GNAI2: variants seen among roughly 807,000 people sequenced by gnomAD.
GNAI2 encodes the protein G protein subunit alpha i2.
In GNAI2, 4 loss-of-function variants were observed where a neutral mutation model predicts 36.8. The ratio of observed to expected loss-of-function variants is 0.11; its 90% CI spans 0.05 to 0.25. The LOEUF (loss-of-function observed/expected upper bound fraction) is 0.25, where lower values mean the gene tolerates loss of function less well. Ranked by LOEUF, GNAI2 falls within the 10% of genes least tolerant of loss-of-function variation. The pLI is 1.00. For missense variants in GNAI2, 230 were observed against 481.3 expected, an observed-to-expected ratio of 0.48 and a Z score of 4.89; for synonymous variants, 194 against 194.1, an observed-to-expected ratio of 1.00 and a Z score of 0.01.
upstream of GNAI2, chr3:50,230,738 G>A (rs1259010280): frequency 1.1e-6 from 1 of 893,242 alleles, no homozygotes; most frequent in Non-Finnish European, 1.3e-6. Context: ...CCTCAACTCT[G>A]CTGATGTCAT....
Position 50,253,540 on chromosome 3 carries a change from C to T in GNAI2, c.464+356C>T, listed in dbSNP as rs1394161950. ...CAGGCGGGTCGTGAGATCAGGAGATCGAGACCATCCTGGCTAACACGGTGA... is the reference window on the plus strand; with the variant it reads ...CAGGCGGGTCGTGAGATCAGGAGATTGAGACCATCCTGGCTAACACGGTGA... On this transcript the variant is annotated intron_variant, in intron 4 of 8. Coordinates refer to ENST00000313601, the MANE Select transcript of GNAI2 (RefSeq NM_002070.4). This position sits in a 1 kb window ranked among gnomAD's most constrained non-coding sequence, Gnocchi z 4.2. Among the ~76,000 whole-genome samples, 2 of 151,962 alleles carry T rather than the reference C, an allele frequency of 1.3e-5. No homozygotes were observed. Among genetic ancestry groups the T allele is most frequent in the Non-Finnish European group, 2.9e-5 (2 of 67,988 alleles).
At chr3:50,232,917 G>A (rs1428617105), upstream of GNAI2, among the ~76,000 whole-genome samples, 2 of 151,880 alleles carry the variant, frequency 1.3e-5, no homozygotes, top group African/African-American at 4.8e-5. Flanking sequence ...GGAGAGCCTG[G>A]GAACAGGGGC....
chr3:50,227,380 G>C (rs1575431131), upstream of GNAI2: 2 of 405,398 alleles, frequency 4.9e-6, no homozygotes, highest in Non-Finnish European at 4.4e-6. This position sits in a 1 kb window ranked among gnomAD's most constrained non-coding sequence, Gnocchi z 5.9. Context: ...CCCGGAGGCA[G>C]AGCGAGACAG....
At chr3:50,239,371 T>C (rs1700252984) in intron 1 of GNAI2, among the ~76,000 whole-genome samples, 1 of 152,194 alleles carries the variant, frequency 6.6e-6, no homozygotes, top group Admixed American at 6.5e-5. Context: ...CCAGGATCCT[T>C]CCTGGACATC....
rs72932918 is a variant in GNAI2, at chr3:50,241,847, G to A, written c.118+5394G>A. On this transcript the variant is annotated intron_variant, in intron 1 of 8. Transcript: ENST00000313601. This position sits in a 1 kb window ranked among gnomAD's most constrained non-coding sequence, Gnocchi z 5.0. ...GCAGCTTGTCAGCGGTTGGCCCTGG[G>A]TGGCCTGAGAGGTAGGGTCACTGAG... 0.02 allele frequency among the ~76,000 whole-genome samples: 2,985 copies of A among 152,284 alleles called. 99 individuals are homozygous for A. The highest frequency in any genetic ancestry group is 0.069 in the African/African-American group (2,845 of 41,526).
At chr3:50,232,008 A>G (rs1327002119), upstream of GNAI2, among the ~76,000 whole-genome samples, 1 of 150,624 alleles carries the variant, frequency 6.6e-6, no homozygotes, top group East Asian at 2.0e-4. Context: ...ACCAGCCTGG[A>G]CAACATGGTG....
intron 1 of GNAI2, chr3:50,251,575 G>A (rs959907324): frequency 8.2e-7 from 1 of 1,212,202 alleles, no homozygotes; most frequent in African/African-American, 1.6e-5. Context: ...CGGGGCATTG[G>A]GCCATGTCCA....
rs781962379 is a variant in GNAI2, at chr3:50,257,587, C to T, written c.965C>T (p.Thr322Met). 6.8e-6 allele frequency: 11 copies of T among 1,609,532 alleles called. No individual in the cohort carries two copies. The Admixed American group carries it at 1.7e-4, about 25-fold the overall frequency. ...CGCAAAGACACCAAGGAGATCTACACGCACTTCACGTGCGCCACCGACACC... is the reference window on the plus strand; with the variant it reads ...CGCAAAGACACCAAGGAGATCTACATGCACTTCACGTGCGCCACCGACACC... Reference protein sequence around the residue: ...NKRKDTKEIYTHFTCATDTKN... With the variant: ...NKRKDTKEIYMHFTCATDTKN... Residue 322 changes from threonine to methionine, a missense_variant, in exon 8 of 9, where the codon ACG (threonine) becomes ATG (methionine). Thr to Met is a moderately conservative substitution (Grantham distance 81, BLOSUM62 -1). Around this residue, in one of 4 missense-constraint regions of GNAI2, gnomAD observed 51 missense variants for 56.7 expected, o/e 0.90. Coordinates refer to ENST00000313601, the MANE Select transcript of GNAI2 (RefSeq NM_002070.4).
intron 1 of GNAI2, among the ~76,000 whole-genome samples, chr3:50,247,603 T>TCTCTCATCGGTTCCCTC (rs1301616123): frequency 2.6e-5 from 4 of 152,196 alleles, no homozygotes; most frequent in Non-Finnish European, 5.9e-5. Context: ...CTGTCTCCCT[T>TCTCTCATCGGTTCCCTC]CTCTCATCGG....
At chr3:50,243,580 A>T (rs1193010283) in intron 1 of GNAI2, among the ~76,000 whole-genome samples, 1 of 152,242 alleles carries the variant, frequency 6.6e-6, no homozygotes, top group African/African-American at 2.4e-5. Flanking sequence ...GTTTCCCCTC[A>T]GGTGATAACC....
chr3:50,248,410 G>A (rs1700471246), intron 1 of GNAI2, among the ~76,000 whole-genome samples: 1 of 152,150 alleles, frequency 6.6e-6, no homozygotes, highest in Non-Finnish European at 1.5e-5. Context: ...TGGGGAGAGT[G>A]AAGCTACTAC....
upstream of GNAI2, chr3:50,227,346 AGGTC>A (rs765275729): frequency 4.8e-6 from 2 of 412,414 alleles, no homozygotes; most frequent in Non-Finnish European, 8.5e-6. This position sits in a 1 kb window ranked among gnomAD's most constrained non-coding sequence, Gnocchi z 5.9. Context: ...AAGGAGTGGC[AGGTC>A]GGCGGAGGCG....
intron 1 of GNAI2, among the ~76,000 whole-genome samples, chr3:50,237,229 A>T (rs1575438862): frequency 6.6e-6 from 1 of 152,208 alleles, no homozygotes; most frequent in Non-Finnish European, 1.5e-5. Context: ...AGGCTGCCTT[A>T]TGCAGAACCC....
At chr3:50,234,261 C>T (rs587713161), upstream of GNAI2, among the ~76,000 whole-genome samples, 5 of 151,598 alleles carry the variant, frequency 3.3e-5, no homozygotes, top group South Asian at 4.2e-4. Flanking sequence ...CAAAATACAC[C>T]GTGTTAGCCA....
In GNAI2 at chr3:50,236,891, C is replaced by T. The variant is rs587656192; in HGVS notation, c.118+438C>T. Among the ~76,000 whole-genome samples the T allele has an allele frequency of 6.6e-6, 1 of 152,248 alleles. No individual in the cohort carries two copies. Among genetic ancestry groups the T allele is most frequent in the South Asian group, 2.1e-4 (1 of 4,824 alleles). ...ATTGGGCATGAGCATCCCGCGGGGC[C>T]CCTGCCAGGCCCCCCACCCACTCCC... On this transcript the variant is annotated intron_variant, in intron 1 of 8. Transcript: ENST00000313601. This position sits in a 1 kb window ranked among gnomAD's most constrained non-coding sequence, Gnocchi z 4.0.
chr3:50,233,892 CTTTTTTTT>C (rs11313623), upstream of GNAI2, among the ~76,000 whole-genome samples: 13 of 110,232 alleles, frequency 1.2e-4, no homozygotes, highest in African/African-American at 4.2e-4. Context: ...TAACAAGGTT[CTTTTTTTT>C]TTTTTTTTTT....
Position 50,236,209 on chromosome 3 carries a change from C to T in GNAI2, c.-127C>T. 1 of 1,183,220 alleles carries T rather than the reference C, an allele frequency of 8.5e-7. No individual in the cohort carries two copies. The highest frequency in any genetic ancestry group is 1.0e-6 in the Non-Finnish European group (1 of 957,448). The allele number at this position is 1,183,220 out of a possible 1,614,324, so 73.3% of individuals were successfully genotyped here. On this transcript the variant is annotated 5_prime_UTR_variant, in exon 1 of 9. Coordinates refer to ENST00000313601, the MANE Select transcript of GNAI2 (RefSeq NM_002070.4). This position sits in a 1 kb window ranked among gnomAD's most constrained non-coding sequence, Gnocchi z 4.0. ...GTAGGGAAGGCGCCTCCCGCAGTCG[C>T]TCGGAACTGCCGACCCGAGTGCTTC...
chr3:50,251,220 C>T (rs1346478750), intron 1 of GNAI2: 2 of 296,332 alleles, frequency 6.7e-6, no homozygotes, highest in Non-Finnish European at 1.0e-5. Flanking sequence ...ACCCTCTTGC[C>T]CTTCTGAGTC....
At chr3:50,234,352 C>T (rs1328108505), upstream of GNAI2, among the ~76,000 whole-genome samples, 6 of 150,122 alleles carry the variant, frequency 4.0e-5, no homozygotes, top group African/African-American at 1.5e-4. Context: ...CCACCGTGCC[C>T]GGTCTTTTTT....
Sources: allele counts gnomAD v4.1 joint callset (sites outside exome capture counted in the v4.1 genomes callset), GRCh38; gene constraint gnomAD v4.1.1; regional missense constraint gnomAD v4.1.1; non-coding constraint Gnocchi (gnomAD v3.1); transcripts MANE v1.5; gene names NCBI Gene and HGNC (gene_info 2026-07-23, HGNC 2026-07-21).